Variants in TYW1B observed in about 807,000 individuals in gnomAD.
TYW1B encodes the protein tRNA-yW synthesizing protein 1 homolog B.
In TYW1B, 73 loss-of-function variants were observed where a neutral mutation model predicts 86.9. The observed-to-expected ratio is 0.84, with a 90% CI of 0.70 to 1.02. The LOEUF (loss-of-function observed/expected upper bound fraction) is 1.02. Among genes scored for constraint, TYW1B ranks in the 50% least tolerant of loss-of-function variants. The pLI is 0.00. For missense variants in TYW1B, 637 were observed against 827.4 expected (o/e 0.77, Z 2.82); for synonymous variants, 248 against 292.8 (o/e 0.85, Z 1.56).
chr7:72,757,351 G>A (rs1399959783), intron 7 of TYW1B, among the ~76,000 whole-genome samples: 2 of 141,120 alleles, frequency 1.4e-5, no homozygotes, highest in Non-Finnish European at 1.5e-5. Flanking sequence ...CTGGGTGACA[G>A]AGCGAGACTC....
At chr7:72,629,322 G>A (rs1396441175) in intron 11 of TYW1B, among the ~76,000 whole-genome samples, 1 of 152,158 alleles carries the variant, frequency 6.6e-6, no homozygotes, top group Non-Finnish European at 1.5e-5. Flanking sequence ...TGACCAAACA[G>A]TGTTAGGCCA....
intron 11 of TYW1B, among the ~76,000 whole-genome samples, chr7:72,653,795 T>G (rs1242050986): frequency 6.7e-6 from 1 of 148,254 alleles, no homozygotes; most frequent in Admixed American, 6.7e-5. Context: ...ATAAAATCCT[T>G]AGCAGGCCAG....
intron 7 of TYW1B, among the ~76,000 whole-genome samples, chr7:72,745,453 A>G (rs571753326): frequency 7.2e-5 from 11 of 152,326 alleles, no homozygotes; most frequent in Admixed American, 2.6e-4. Flanking sequence ...CACGAGTCAT[A>G]TAAGTTGGTA....
At chr7:72,662,131 A>G (rs1813342485) in intron 11 of TYW1B, among the ~76,000 whole-genome samples, 1 of 152,226 alleles carries the variant, frequency 6.6e-6, no homozygotes, top group South Asian at 2.1e-4. Flanking sequence ...GGAATTCTCC[A>G]GTGTTTTTCA....
At chr7:72,632,915 T>C (rs1554440227) in intron 11 of TYW1B, among the ~76,000 whole-genome samples, 1 of 151,974 alleles carries the variant, frequency 6.6e-6, no homozygotes, top group Non-Finnish European at 1.5e-5. Flanking sequence ...AAAGCTGGGG[T>C]GTGAACCCAA....
At chr7:72,774,678 C>G (rs564358771) in intron 7 of TYW1B, among the ~76,000 whole-genome samples, 4 of 152,148 alleles carry the variant, frequency 2.6e-5, no homozygotes, top group African/African-American at 9.6e-5. Context: ...TTGCAGTGAG[C>G]CAAGATCACG....
At chr7:72,733,861 A>G (rs1787155290) in intron 8 of TYW1B, among the ~76,000 whole-genome samples, 1 of 152,214 alleles carries the variant, frequency 6.6e-6, no homozygotes, top group African/African-American at 2.4e-5. Context: ...TCACAGAAAT[A>G]GAAAACAATT....
intron 13 of TYW1B, among the ~76,000 whole-genome samples, chr7:72,614,796 C>A (rs1554436547): frequency 1.3e-5 from 2 of 152,198 alleles, no homozygotes; most frequent in African/African-American, 4.8e-5. Flanking sequence ...ATAACTGAAT[C>A]ATGCTATGAG....
At chr7:72,661,512 CAAGA>C (rs1445939594) in intron 11 of TYW1B, among the ~76,000 whole-genome samples, 4 of 146,654 alleles carry the variant, frequency 2.7e-5, no homozygotes, top group South Asian at 4.5e-4. Flanking sequence ...ATTTTAGTTG[CAAGA>C]AAGAAACAGA....
rs141459331 is a variant in TYW1B, at chr7:72,708,610, T to C, written c.1370+5011A>G. ...CAAAATACATGGCCTCTGTGTCCTA[T>C]TAGTTAATCTACAGCCTTATTTTTC... On this transcript the variant is annotated intron_variant, in intron 10 of 13. Coordinates refer to ENST00000620995, the MANE Select transcript of TYW1B (RefSeq NM_001145440.3). 7.1e-3 allele frequency among the ~76,000 whole-genome samples: 1,080 copies of C among 152,340 alleles called. 17 individuals carry two copies. Among genetic ancestry groups the C allele is most frequent in the African/African-American group, 0.025 (1,051 of 41,582 alleles).
intron 11 of TYW1B, among the ~76,000 whole-genome samples, chr7:72,669,134 CTTTTTT>C (rs781821639): frequency 1.9e-3 from 155 of 81,550 alleles, no homozygotes; most frequent in Admixed American, 2.4e-3. Context: ...TAATTTTAAA[CTTTTTT>C]TTTTTTTTTT....
chr7:72,637,731 T>C (rs540285570), intron 11 of TYW1B, among the ~76,000 whole-genome samples: 32 of 152,076 alleles, frequency 2.1e-4, no homozygotes, highest in Non-Finnish European at 3.7e-4. Flanking sequence ...ATTAACTTCT[T>C]AATATATGCA....
At chr7:72,794,523 C>G (rs1585988740) in intron 6 of TYW1B, among the ~76,000 whole-genome samples, 1 of 151,458 alleles carries the variant, frequency 6.6e-6, no homozygotes, top group Admixed American at 6.6e-5. Context: ...GCCACTGCAC[C>G]CCAGCCTGGA....
chr7:72,587,787 A>G (rs1214419612), intron 13 of TYW1B, among the ~76,000 whole-genome samples: 4 of 152,170 alleles, frequency 2.6e-5, no homozygotes, highest in African/African-American at 9.7e-5. Context: ...AAGGGCTATT[A>G]TCATCTTTGT....
intron 9 of TYW1B, among the ~76,000 whole-genome samples, chr7:72,717,761 T>C (rs1786819324): frequency 6.6e-6 from 1 of 151,998 alleles, no homozygotes; most frequent in Non-Finnish European, 1.5e-5. Context: ...GCATTACTAA[T>C]AATCATTTGC....
chr7:72,575,816 C>T (rs1811009776), intron 13 of TYW1B, 97 bp from the exon 14 acceptor site: 3 of 1,524,602 alleles, frequency 2.0e-6, no homozygotes, highest in Non-Finnish European at 2.6e-6. Flanking sequence ...GATCTTTTCT[C>T]CCTATCACGC....
At chr7:72,817,891 C>T (rs1426956198) in intron 2 of TYW1B, among the ~76,000 whole-genome samples, 1 of 151,986 alleles carries the variant, frequency 6.6e-6, no homozygotes, top group Non-Finnish European at 1.5e-5. Context: ...AGTGGAGTTA[C>T]ACCCTCTGCA....
In TYW1B at chr7:72,802,277, C is replaced by A. The variant is rs547469077; in HGVS notation, c.846+123G>T. The A allele has an allele frequency of 2.7e-6, 4 of 1,494,430 alleles. No homozygotes were observed. The East Asian group carries it at 9.3e-5, about 35-fold the overall frequency. 92.6% of individuals were successfully genotyped at this position (1,494,430 alleles called of 1,614,324 possible). A position where few individuals can be genotyped will look rare whatever the true frequency, so the allele number is the denominator to read the frequency against. On this transcript the variant is annotated intron_variant, in intron 6 of 13. Transcript: ENST00000620995. ...AATGGCAAAAAAATTATAAAACTCT[C>A]AAGACAGAAGCTAGAGAAATGAAAC...
At chr7:72,780,795 C>T (rs530935540) in intron 6 of TYW1B, among the ~76,000 whole-genome samples, 9 of 152,230 alleles carry the variant, frequency 5.9e-5, no homozygotes, top group African/African-American at 1.9e-4. Context: ...GTAGTAATTT[C>T]GTTTCTGAAA....
Sources: gnomAD v4.1 joint callset for allele counts (sites outside exome capture counted in the v4.1 genomes callset) on GRCh38, gnomAD v4.1.1 for gene constraint, MANE v1.5 for transcripts, NCBI Gene and HGNC (gene_info 2026-07-23, HGNC 2026-07-21) for gene names.